TLK1: variants seen among roughly 807,000 people sequenced by gnomAD.
TLK1 encodes serine/threonine-protein kinase tousled-like 1.
Under a neutral mutation model 105.3 loss-of-function variants are expected in TLK1, and 24 were observed. The observed-to-expected ratio is 0.23, with a 90% CI of 0.17 to 0.32. TLK1 has a LOEUF of 0.32. TLK1 is among the 10% of genes least tolerant of loss of function. TLK1 has a pLI of 1.00. For missense variants in TLK1, 558 were observed against 910.5 expected (o/e 0.61, Z 4.98); for synonymous variants, 321 against 310.4 (o/e 1.03, Z -0.36).
chr2:171,104,831 T>C (rs528172507), intron 2 of TLK1, among the ~76,000 whole-genome samples: 12 of 152,320 alleles, frequency 7.9e-5, no homozygotes, highest in African/African-American at 2.6e-4. Context: ...TTTTTGTATG[T>C]TGATTTTGTG....
At chr2:171,179,839 A>G (rs947704535) in intron 1 of TLK1, among the ~76,000 whole-genome samples, 1 of 152,150 alleles carries the variant, frequency 6.6e-6, no homozygotes, top group African/African-American at 2.4e-5. Flanking sequence ...CACACCTGCA[A>G]TCCCAACACT....
chr2:171,147,476 A>C (rs1691836303), intron 1 of TLK1, among the ~76,000 whole-genome samples: 1 of 152,238 alleles, frequency 6.6e-6, no homozygotes, highest in Non-Finnish European at 1.5e-5. Flanking sequence ...TTCTGGGCTC[A>C]AATGATCCTC....
At chr2:171,055,702 C>T (rs975919516) in intron 6 of TLK1, among the ~76,000 whole-genome samples, 1 of 151,872 alleles carries the variant, frequency 6.6e-6, no homozygotes, top group Non-Finnish European at 1.5e-5. Flanking sequence ...GAATCTTATG[C>T]CTTACTTTTA....
chr2:171,114,319 T>A (rs1013471090), intron 2 of TLK1, among the ~76,000 whole-genome samples: 1 of 152,220 alleles, frequency 6.6e-6, no homozygotes, highest in Non-Finnish European at 1.5e-5. Flanking sequence ...AAAAAGGACT[T>A]TGCAGAAGTG....
chr2:171,056,889 A>C (rs1687528638), intron 5 of TLK1, among the ~76,000 whole-genome samples: 1 of 152,020 alleles, frequency 6.6e-6, no homozygotes, highest in Non-Finnish European at 1.5e-5. Context: ...CCCAAATCTT[A>C]GCACAGGTCC....
intron 1 of TLK1, among the ~76,000 whole-genome samples, chr2:171,206,548 C>A (rs184087407): frequency 1.3e-5 from 2 of 152,240 alleles, no homozygotes; most frequent in East Asian, 3.9e-4. Flanking sequence ...AAGGCATATA[C>A]GGGTTCCAAC....
At chr2:171,060,218 T>G (rs1687687192) in intron 4 of TLK1, among the ~76,000 whole-genome samples, 1 of 152,178 alleles carries the variant, frequency 6.6e-6, no homozygotes, top group Non-Finnish European at 1.5e-5. Context: ...CCTCATCTTA[T>G]TCGGGGGCTT....
At chr2:171,124,105 A>G (rs1690773609) in intron 1 of TLK1, among the ~76,000 whole-genome samples, 1 of 152,200 alleles carries the variant, frequency 6.6e-6, no homozygotes, top group Non-Finnish European at 1.5e-5. Context: ...CTTTCTGTGC[A>G]TTTGTGTCAA....
At chr2:171,070,947 T>A (rs531652478) in intron 3 of TLK1, among the ~76,000 whole-genome samples, 2 of 152,328 alleles carry the variant, frequency 1.3e-5, no homozygotes, top group South Asian at 4.1e-4. Context: ...ATTGCCTGCC[T>A]TCTGGATAAA....
At chr2:171,223,652 G>C (rs1004406418) in intron 1 of TLK1, among the ~76,000 whole-genome samples, 1 of 151,872 alleles carries the variant, frequency 6.6e-6, no homozygotes, top group African/African-American at 2.4e-5. Context: ...GCTAATTTTT[G>C]TATTTTTAGT....
chr2:171,099,753 G>A (rs2356600), intron 2 of TLK1, among the ~76,000 whole-genome samples: 19,626 of 152,162 alleles, frequency 0.13, 2,158 homozygotes, highest in African/African-American at 0.3. Flanking sequence ...TTCAAAGGGA[G>A]AAAGAATAGT....
At chr2:171,210,947 G>T (rs866300011) in intron 1 of TLK1, among the ~76,000 whole-genome samples, 5 of 152,192 alleles carry the variant, frequency 3.3e-5, no homozygotes, top group African/African-American at 1.2e-4. Context: ...CAGCCAGCAG[G>T]TATATACAGC....
At chr2:171,021,948 T>C (rs1020868572) in intron 12 of TLK1, among the ~76,000 whole-genome samples, 3 of 151,312 alleles carry the variant, frequency 2.0e-5, no homozygotes, top group African/African-American at 7.3e-5. Flanking sequence ...AAAATATATA[T>C]AAAAATTAGC....
At chr2:171,103,058 G>C (rs936195660) in intron 2 of TLK1, among the ~76,000 whole-genome samples, 1 of 152,064 alleles carries the variant, frequency 6.6e-6, no homozygotes, top group Admixed American at 6.5e-5. Context: ...AGCGTGAAGT[G>C]TGTTTGAGGC....
At chr2:171,139,282 C>T (rs1287230157) in intron 1 of TLK1, among the ~76,000 whole-genome samples, 2 of 142,482 alleles carry the variant, frequency 1.4e-5, no homozygotes, top group African/African-American at 2.6e-5. Flanking sequence ...TGGTACTAGC[C>T]GGTTGCCAAA....
At chr2:171,217,428 C>T (rs79566386) in intron 1 of TLK1, among the ~76,000 whole-genome samples, 1 of 152,160 alleles carries the variant, frequency 6.6e-6, no homozygotes, top group African/African-American at 2.4e-5. Flanking sequence ...TTTCTGGACC[C>T]TCCTGTTCCA....
rs1427093949 is a variant in TLK1, at chr2:170,994,318, T to G, written c.2125-362A>C. On this transcript the variant is annotated intron_variant, in intron 20 of 20. Coordinates refer to ENST00000431350, the MANE Select transcript of TLK1 (RefSeq NM_012290.5). ...GTTATCACTTCAGTTTAGCAAAGGG[T>G]AAGATGCCATTTTCAACCATTATTT... Among the ~76,000 whole-genome samples, 4 of 152,116 alleles carry G rather than the reference T, an allele frequency of 2.6e-5. No individual in the cohort carries two copies. The East Asian group carries it at 5.8e-4, about 22-fold the overall frequency.
At chr2:171,035,361 G>A (rs1251794683) in intron 11 of TLK1, among the ~76,000 whole-genome samples, 1 of 151,884 alleles carries the variant, frequency 6.6e-6, no homozygotes, top group Non-Finnish European at 1.5e-5. Context: ...AAAGGGGGTT[G>A]GGGGAGTTCC....
chr2:171,167,692 C>T (rs1338936639), intron 1 of TLK1, among the ~76,000 whole-genome samples: 1 of 152,060 alleles, frequency 6.6e-6, no homozygotes, highest in African/African-American at 2.4e-5. Flanking sequence ...TTGGTCCATA[C>T]ACAACAAAAA....
Sources: allele counts gnomAD v4.1 joint callset (sites outside exome capture counted in the v4.1 genomes callset), GRCh38; gene constraint gnomAD v4.1.1; transcripts MANE v1.5; gene names NCBI Gene and HGNC (gene_info 2026-07-23, HGNC 2026-07-21).